The following ZNF292 variants were observed in gnomAD, a reference collection of about 807,000 sequenced individuals.
The protein encoded by ZNF292 is zinc finger protein 292, also known as 16 zinc-finger domain protein.
In ZNF292, 26 loss-of-function variants were observed where a neutral mutation model predicts 217.9. The ratio of observed to expected loss-of-function variants is 0.12; its 90% CI spans 0.09 to 0.17. The LOEUF (loss-of-function observed/expected upper bound fraction) is 0.17, where lower values mean the gene tolerates loss of function less well. Among genes scored for constraint, ZNF292 ranks in the 10% least tolerant of loss-of-function variants. The pLI is 1.00. For missense variants in ZNF292, 2,904 were observed against 3,175.2 expected (o/e 0.91, Z 2.05); for synonymous variants, 1,257 against 1,124.1 (o/e 1.12, Z -2.37).
chr6:87,220,367 C>T (rs1015795051), intron 4 of ZNF292, among the ~76,000 whole-genome samples: 1 of 152,022 alleles, frequency 6.6e-6, no homozygotes, highest in African/African-American at 2.4e-5. Flanking sequence ...ATAGTGAATG[C>T]TTTGAAAAAG....
intron 1 of ZNF292, among the ~76,000 whole-genome samples, chr6:87,211,224 C>T (rs1042399642): frequency 6.6e-6 from 1 of 152,098 alleles, no homozygotes; most frequent in Non-Finnish European, 1.5e-5. Context: ...TTTTGGTTTA[C>T]TCTAATGGTT....
chr6:87,208,068 C>A (rs1006869435), intron 1 of ZNF292, among the ~76,000 whole-genome samples: 1 of 152,112 alleles, frequency 6.6e-6, no homozygotes, highest in Non-Finnish European at 1.5e-5. Flanking sequence ...TTAATAGTTA[C>A]AATCGTTGGA....
chr6:87,220,248 C>T (rs953016407), intron 4 of ZNF292, among the ~76,000 whole-genome samples: 2 of 152,030 alleles, frequency 1.3e-5, no homozygotes, highest in Non-Finnish European at 2.9e-5. Context: ...ACTTTCTGAT[C>T]TTCTCAGCTT....
At chr6:87,191,662 CTTTTA>C (rs978952983) in intron 1 of ZNF292, among the ~76,000 whole-genome samples, 1 of 152,006 alleles carries the variant, frequency 6.6e-6, no homozygotes, top group Non-Finnish European at 1.5e-5. Context: ...CTCCTTGTTG[CTTTTA>C]TTTTATTTAT....
intron 7 of ZNF292, among the ~76,000 whole-genome samples, chr6:87,247,928 A>T (rs78360090): frequency 6.6e-6 from 1 of 152,224 alleles, no homozygotes; most frequent in Non-Finnish European, 1.5e-5. Context: ...TAGCAGATGG[A>T]TTATACAGAT....
chr6:87,241,060 G>A (rs1023099516), intron 5 of ZNF292, among the ~76,000 whole-genome samples: 1 of 152,152 alleles, frequency 6.6e-6, no homozygotes, highest in Non-Finnish European at 1.5e-5. Flanking sequence ...CGAGGCAGGT[G>A]GATCACGAGG....
intron 1 of ZNF292, among the ~76,000 whole-genome samples, chr6:87,185,430 GTAATT>G (rs559338228): frequency 3.3e-5 from 5 of 152,202 alleles, no homozygotes; most frequent in Non-Finnish European, 5.9e-5. Context: ...AATTAATACA[GTAATT>G]TAATTCTGTT....
chr6:87,177,447 C>T lies in ZNF292; in HGVS notation c.168+21688C>T, dbSNP rs151065327. On this transcript the variant is annotated intron_variant, in intron 1 of 7. Transcript: ENST00000369577. ...GTACTATTTCTTGTATCCTTTGCTG[C>T]TTAAATTTGATATGTCATTACTGGC... is the stretch of plus-strand genomic sequence containing the variant. Among the ~76,000 whole-genome samples, 1,053 of 152,230 alleles carry T rather than the reference C, an allele frequency of 6.9e-3. 17 individuals are homozygous for T. Among genetic ancestry groups the T allele is most frequent in the African/African-American group, 0.023 (953 of 41,528 alleles).
chr6:87,177,304 G>A (rs1200006663), intron 1 of ZNF292, among the ~76,000 whole-genome samples: 2 of 150,140 alleles, frequency 1.3e-5, no homozygotes, highest in Non-Finnish European at 3.0e-5. Context: ...TCCAGCCTGG[G>A]TGACAAGCGA....
intron 1 of ZNF292, among the ~76,000 whole-genome samples, chr6:87,158,895 A>G (rs1770631169): frequency 6.6e-6 from 1 of 152,252 alleles, no homozygotes; most frequent in Non-Finnish European, 1.5e-5. Flanking sequence ...AAACTGGGAT[A>G]GTCACACGCT....
intron 1 of ZNF292, among the ~76,000 whole-genome samples, chr6:87,206,208 G>C (rs765544530): frequency 1.3e-5 from 2 of 152,064 alleles, no homozygotes; most frequent in Non-Finnish European, 2.9e-5. Flanking sequence ...CATTCTCTTG[G>C]TCAGAACAGG....
chr6:87,241,411 G>C (rs1774277594), intron 5 of ZNF292, among the ~76,000 whole-genome samples: 1 of 150,062 alleles, frequency 6.7e-6, no homozygotes, highest in African/African-American at 2.4e-5. Flanking sequence ...AGTGGAAAGA[G>C]CTTGGATTTT....
intron 1 of ZNF292, among the ~76,000 whole-genome samples, chr6:87,175,114 A>T (rs527977724): frequency 6.6e-6 from 1 of 152,250 alleles, no homozygotes; most frequent in Admixed American, 6.5e-5. Context: ...ATGGACGAGT[A>T]CATGTCTTTC....
At chr6:87,249,584 T>G (rs984916852) in intron 7 of ZNF292, 2 of 159,280 alleles carry the variant, frequency 1.3e-5, no homozygotes, top group Admixed American at 6.4e-5. Context: ...AATCATAGAT[T>G]ATTATTATTT....
At chr6:87,215,221 C>T (rs1772685125) in intron 1 of ZNF292, 1 of 151,894 alleles carries the variant, frequency 6.6e-6, no homozygotes, top group Non-Finnish European at 1.5e-5. Context: ...AGATAAATAG[C>T]ATCTTTTAAA....
At chr6:87,246,099 C>T (rs1774565979) in intron 7 of ZNF292, among the ~76,000 whole-genome samples, 1 of 152,036 alleles carries the variant, frequency 6.6e-6, no homozygotes, top group Non-Finnish European at 1.5e-5. Context: ...GGTGTGGTGG[C>T]GTGCACCTGT....
chr6:87,158,742 T>C (rs148078573), intron 1 of ZNF292, among the ~76,000 whole-genome samples: 1 of 152,282 alleles, frequency 6.6e-6, no homozygotes, highest in African/African-American at 2.4e-5. Flanking sequence ...TGATACGAAG[T>C]TGAGTGAAGC....
At chr6:87,239,828 C>T (rs1258344814) in intron 5 of ZNF292, among the ~76,000 whole-genome samples, 2 of 151,426 alleles carry the variant, frequency 1.3e-5, no homozygotes, top group Admixed American at 6.6e-5. Flanking sequence ...ACTTCCTAGA[C>T]GGGATGGCGG....
In ZNF292 at chr6:87,258,448, T is replaced by C. The variant is rs771514173; in HGVS notation, c.4819T>C (p.Ser1607Pro). ...TTTTACCAGTAACAGTTCTCGTGTT[T>C]CTGTTATAAGTGGTCCTCAGAACAC... Reference protein sequence around the residue: ...QNFTSNSSRVSVISGPQNTRS... With the variant: ...QNFTSNSSRVPVISGPQNTRS... The change falls in exon 8 of 8, where the codon TCT becomes CCT. Residue 1607 changes from serine (S) to proline (P), a missense_variant. By Grantham distance (74) the Ser-to-Pro change is moderately conservative (BLOSUM62 -1). Around this residue, in one of 15 missense-constraint regions of ZNF292, gnomAD observed 622 missense variants for 573.1 expected, o/e 1.09. Transcript: ENST00000369577. 12 of 1,613,588 alleles carry C rather than the reference T, an allele frequency of 7.4e-6. No homozygotes were observed. Among genetic ancestry groups the C allele is most frequent in the Non-Finnish European group, 1.0e-5 (12 of 1,179,768 alleles).
Sources: gnomAD v4.1 joint callset for allele counts (sites outside exome capture counted in the v4.1 genomes callset) on GRCh38, gnomAD v4.1.1 for gene constraint, gnomAD v4.1.1 regional missense constraint, MANE v1.5 for transcripts, NCBI Gene and HGNC (gene_info 2026-07-23, HGNC 2026-07-21) for gene names.